COL20A1: variants seen among roughly 807,000 people sequenced by gnomAD.
The protein encoded by COL20A1 is collagen type XX alpha 1 chain, also known as collagen alpha-1(XX) chain.
COL20A1 carries 164 observed loss-of-function variants against 152.9 expected under a neutral mutation model. That is an observed-to-expected ratio of 1.07 (90% confidence interval 0.94 to 1.22). The LOEUF is 1.22. Ranked by LOEUF, COL20A1 falls within the 50% of genes most tolerant of loss-of-function variation. The pLI, the probability that COL20A1 is intolerant of heterozygous loss-of-function variation, is 0.00. For synonymous variants in COL20A1, 864 were observed against 756.0 expected (o/e 1.14, Z -2.34); for missense variants, 1,873 against 1,744.8 (o/e 1.07, Z -1.31).
chr20:63,323,767 A>T (rs1253427231), intron 27 of COL20A1, among the ~76,000 whole-genome samples: 1 of 152,174 alleles, frequency 6.6e-6, no homozygotes, highest in East Asian at 1.9e-4. Flanking sequence ...GATTTCTTTA[A>T]GATGTCGATG....
intron 3 of COL20A1, 109 bp downstream of exon 3, chr20:63,298,129 C>G: frequency 1.5e-6 from 1 of 684,084 alleles, no homozygotes; most frequent in Non-Finnish European, 2.5e-6. Flanking sequence ...CCCACCAGCC[C>G]CTTAGTGTCA....
chr20:63,305,644 A>G lies in COL20A1; in HGVS notation c.337+84A>G, dbSNP rs1169328043. ...CTGGGCTGGGGTCCCACCCTCCTCC[A>G]GGCTGCGTTCCAGCCCCAGGGGTGG... On this transcript the variant is annotated intron_variant, in intron 4 of 35. Transcript: ENST00000358894. This position sits in a 1 kb window ranked among gnomAD's most constrained non-coding sequence, Gnocchi z 4.9. 58 of 1,437,262 alleles carry G rather than the reference A, an allele frequency of 4.0e-5. No individual in the cohort carries two copies. In the East Asian group the frequency reaches 7.6e-4, roughly 19 times the overall value. 89.0% of individuals were successfully genotyped at this position (1,437,262 alleles called of 1,614,324 possible).
chr20:63,325,553 A>G, intron 28 of COL20A1, 59 bp downstream of exon 28: 1 of 1,439,992 alleles, frequency 6.9e-7, no homozygotes, highest in Non-Finnish European at 9.7e-7. Context: ...AAGGACAGGG[A>G]TGGAGATGGG....
Position 63,312,430 on chromosome 20 carries a change from C to T in COL20A1, c.1814C>T (p.Pro605Leu). ...TCCCACCTGCTGCAGACAGAGGCTC[C>T]TGGGAACGCCACCTCGGCCACGCTG... ...EGGHSGQTEAPGNATSATLGP... is the reference protein window; with the variant it reads ...EGGHSGQTEALGNATSATLGP... The change falls in exon 15 of 36, where the codon CCT (proline) becomes CTT (leucine). Residue 605 changes from proline to leucine, a missense_variant. Physicochemically the swap from Pro to Leu is moderately conservative, Grantham distance 98 (BLOSUM62 -3). Transcript: ENST00000358894. The T allele has an allele frequency of 6.3e-7, 1 of 1,594,986 alleles. No individual in the cohort carries two copies. Among genetic ancestry groups the T allele is most frequent in the Non-Finnish European group, 8.5e-7 (1 of 1,173,374 alleles).
At position 63,321,163 on chromosome 20, in the gene COL20A1, G is replaced by A; in HGVS notation, c.3240+64G>A. On this transcript the variant is annotated intron_variant, in intron 26 of 35. Coordinates refer to ENST00000358894, the MANE Select transcript of COL20A1 (RefSeq NM_020882.4). ...ACTGGCCAATGTATTGCTGCCACTGGTGGATGTGTAACCCAGGCCCTCCCG... is the reference window on the plus strand; with the variant it reads ...ACTGGCCAATGTATTGCTGCCACTGATGGATGTGTAACCCAGGCCCTCCCG... The A allele has an allele frequency of 1.8e-6, 2 of 1,138,902 alleles. 1 individual carries two copies. The highest frequency in any genetic ancestry group is 2.6e-6 in the Non-Finnish European group (2 of 778,294). 70.5% of individuals were successfully genotyped at this position (1,138,902 alleles called of 1,614,324 possible). A position where few individuals can be genotyped will look rare whatever the true frequency, so the allele number is the denominator to read the frequency against.
chr20:63,311,977 G>A lies in COL20A1; in HGVS notation c.1725G>A (p.Val575=), dbSNP rs769423591. ...ACGTGAGCCACGACGCGGCACGAGTGTTCTGGGAGGGTGCCCCGAGGCCTG... is the reference window on the plus strand; with the variant it reads ...ACGTGAGCCACGACGCGGCACGAGTATTCTGGGAGGGTGCCCCGAGGCCTG... ...FSDVSHDAAR[V]FWEGAPRPVR... The change falls in exon 14 of 36, where the codon GTG becomes GTA. Residue 575 remains valine, a synonymous_variant. Coordinates refer to ENST00000358894, the MANE Select transcript of COL20A1 (RefSeq NM_020882.4). This position sits in a 1 kb window ranked among gnomAD's most constrained non-coding sequence, Gnocchi z 4.4. 1 of 1,602,836 alleles carries A rather than the reference G, an allele frequency of 6.2e-7. No homozygotes were observed. The highest frequency in any genetic ancestry group is 8.5e-7 in the Non-Finnish European group (1 of 1,176,258).
intron 11 of COL20A1, among the ~76,000 whole-genome samples, chr20:63,310,840 C>G (rs1319600583): frequency 6.6e-6 from 1 of 152,122 alleles, no homozygotes; most frequent in East Asian, 1.9e-4. Context: ...CTTGGACCCC[C>G]AGGGACTGCC....
rs1379791569 is a variant in COL20A1, at chr20:63,320,020, C to T, written c.2917-19C>T. ...CGGCCCCGCCTGGGCTGTGGAGAAC[C>T]TCCCGTGCCGTCTCACAGGTGCACG... On this transcript the variant is annotated intron_variant, in intron 23 of 35. Coordinates refer to ENST00000358894, the MANE Select transcript of COL20A1 (RefSeq NM_020882.4). The T allele has an allele frequency of 1.3e-6, 2 of 1,549,968 alleles. No individual in the cohort carries two copies. The highest frequency in any genetic ancestry group is 3.9e-5 in the Admixed American group (2 of 51,134).
At chr20:63,328,186 C>T in intron 33 of COL20A1, 59 bp downstream of exon 33, 2 of 1,596,950 alleles carry the variant, frequency 1.3e-6, no homozygotes, top group South Asian at 1.1e-5. Flanking sequence ...CCTACCACAC[C>T]TGTCTGTCCT....
Position 63,312,554 on chromosome 20 carries a change from G to A in COL20A1, c.1933+5G>A, listed in dbSNP as rs760977783. On this transcript the variant is annotated splice_donor_5th_base_variant and intron_variant, in intron 15 of 35. Coordinates refer to ENST00000358894, the MANE Select transcript of COL20A1 (RefSeq NM_020882.4). ...TGACTGGCCGGGTGACCACCAGTGA[G>A]TGGGGAGAGGCTGGGGCTGGGGGTC... is the stretch of plus-strand genomic sequence containing the variant. The A allele has an allele frequency of 3.8e-6, 6 of 1,565,268 alleles. 1 individual carries two copies. The South Asian group carries it at 7.0e-5, about 18-fold the overall frequency.
chr20:63,322,555 C>T lies in COL20A1; in HGVS notation c.3294+444C>T, dbSNP rs190665561. ...TATTTTCAGATGTCTCTAGGCTCAG[C>T]GCATGCGCGGCGTGCAGGGAGGTGT... On this transcript the variant is annotated intron_variant, in intron 27 of 35. Coordinates refer to ENST00000358894, the MANE Select transcript of COL20A1 (RefSeq NM_020882.4). Among the ~76,000 whole-genome samples the T allele has an allele frequency of 2.1e-4, 32 of 152,268 alleles. No homozygotes were observed. The East Asian group carries it at 3.7e-3, about 17-fold the overall frequency.
intron 10 of COL20A1, 142 bp from the exon 11 acceptor site, chr20:63,310,239 G>T (rs1388822066): frequency 2.3e-6 from 2 of 865,082 alleles, no homozygotes; most frequent in African/African-American, 3.4e-5. Flanking sequence ...TCTGTCGTAG[G>T]TACAGGGAGC....
intron 34 of COL20A1, chr20:63,329,371 C>G: frequency 1.7e-6 from 1 of 583,138 alleles, no homozygotes; most frequent in Non-Finnish European, 3.1e-6. Context: ...TCCCACCTGG[C>G]CATGCCCCCC....
chr20:63,334,289 G>C lies in COL20A1; in HGVS notation c.*3573G>C, dbSNP rs1375645195. ...TCCACAGTAATTCATGGGTTAAAGAGAAAAAAGGAAACGTGAAGATACTTG... is the reference window on the plus strand; with the variant it reads ...TCCACAGTAATTCATGGGTTAAAGACAAAAAAGGAAACGTGAAGATACTTG... On this transcript the variant is annotated 3_prime_UTR_variant, in exon 36 of 36. Coordinates refer to ENST00000358894, the MANE Select transcript of COL20A1 (RefSeq NM_020882.4). 2.6e-5 allele frequency: 4 copies of C among 152,166 alleles called. No individual in the cohort carries two copies. The highest frequency in any genetic ancestry group is 1.3e-4 in the Admixed American group (2 of 15,286). The allele number at this position is 152,166 out of a possible 1,614,324, so 9.4% of individuals were successfully genotyped here. A position where few individuals can be genotyped will look rare whatever the true frequency, so the allele number is the denominator to read the frequency against.
intron 2 of COL20A1, among the ~76,000 whole-genome samples, chr20:63,297,008 C>T (rs2067802386): frequency 6.6e-6 from 1 of 152,198 alleles, no homozygotes; most frequent in African/African-American, 2.4e-5. Flanking sequence ...GCCCCTGCCG[C>T]CCCCTCTTCC....
Position 63,333,139 on chromosome 20 carries a change from T to A in COL20A1, c.*2423T>A. The A allele has an allele frequency of 6.6e-6, 1 of 152,094 alleles. No individual in the cohort carries two copies. Among genetic ancestry groups the A allele is most frequent in the Non-Finnish European group, 1.5e-5 (1 of 68,150 alleles). 9.4% of individuals were successfully genotyped at this position (152,094 alleles called of 1,614,324 possible). A position where few individuals can be genotyped will look rare whatever the true frequency, so the allele number is the denominator to read the frequency against. On this transcript the variant is annotated 3_prime_UTR_variant, in exon 36 of 36. Transcript: ENST00000358894. ...CACAGCTCTCCCCTCCAGAGGCCCCTCTGTAGTGGGCCTCGGTCCCCTCTC... is the reference window on the plus strand; with the variant it reads ...CACAGCTCTCCCCTCCAGAGGCCCCACTGTAGTGGGCCTCGGTCCCCTCTC...
In COL20A1 at chr20:63,308,553, A is replaced by G. The variant is rs746068082; in HGVS notation, c.787A>G (p.Thr263Ala). Residue 263 changes from threonine (T) to alanine (A), a missense_variant, in exon 8 of 36, where the codon ACC (threonine) becomes GCC (alanine). Thr to Ala is a moderately conservative substitution (Grantham distance 58). Coordinates refer to ENST00000358894, the MANE Select transcript of COL20A1 (RefSeq NM_020882.4). ...CTGCTGCTCCCAAGGCCTTGCCCTG[A>G]CCCACGTGCTGGGGCAGAACCTGCA... ...GGNTFTGLAL[T>A]HVLGQNLQPA... 1 of 1,600,646 alleles carries G rather than the reference A, an allele frequency of 6.2e-7. No individual in the cohort carries two copies. The highest frequency in any genetic ancestry group is 8.5e-7 in the Non-Finnish European group (1 of 1,174,202).
chr20:63,317,465 TAA>T (rs78678381), intron 21 of COL20A1, among the ~76,000 whole-genome samples: 8,198 of 114,308 alleles, frequency 0.072, 258 homozygotes, highest in South Asian at 0.091. Context: ...CTCCGTCCCT[TAA>T]AAAAAAAAAA....
Position 63,320,651 on chromosome 20 carries a change from G to A in COL20A1, c.3153+283G>A, listed in dbSNP as rs111577249. On this transcript the variant is annotated intron_variant, in intron 25 of 35. Coordinates refer to ENST00000358894, the MANE Select transcript of COL20A1 (RefSeq NM_020882.4). ...GTGCAGATGAGTCAGGAAGGGGCAC[G>A]TGGCCAGGCCAGAGAGCCCCTCTCA... is the stretch of plus-strand genomic sequence containing the variant. Among the ~76,000 whole-genome samples, 71 of 150,152 alleles carry A rather than the reference G, an allele frequency of 4.7e-4. 2 individuals carry two copies. Among genetic ancestry groups the A allele is most frequent in the African/African-American group, 1.6e-3 (67 of 41,058 alleles).
Sources: gnomAD v4.1 joint callset for allele counts (sites outside exome capture counted in the v4.1 genomes callset) on GRCh38, gnomAD v4.1.1 for gene constraint, Gnocchi (gnomAD v3.1) non-coding constraint, MANE v1.5 for transcripts, NCBI Gene and HGNC (gene_info 2026-07-23, HGNC 2026-07-21) for gene names.